RIMS2: variants seen among roughly 807,000 people sequenced by gnomAD.
RIMS2 encodes the protein regulating synaptic membrane exocytosis protein 2.
RIMS2 carries 59 observed loss-of-function variants against 174.4 expected under a neutral mutation model. The observed-to-expected ratio is 0.34, with a 90% CI of 0.27 to 0.42. The LOEUF (loss-of-function observed/expected upper bound fraction) is 0.42. Among genes scored for constraint, RIMS2 ranks in the 10% least tolerant of loss-of-function variants. The pLI, the probability that RIMS2 is intolerant of heterozygous loss-of-function variation, is 1.00. For synonymous variants in RIMS2, 606 were observed against 572.5 expected (o/e 1.06, Z -0.84); for missense variants, 1,620 against 1,666.3 (o/e 0.97, Z 0.48).
intron 1 of RIMS2, among the ~76,000 whole-genome samples, chr8:103,657,543 G>A (rs987809102): frequency 8.5e-5 from 13 of 152,164 alleles, no homozygotes; most frequent in Admixed American, 5.9e-4. Flanking sequence ...CAAAAGAATA[G>A]TTACTGTAGC....
intron 19 of RIMS2, among the ~76,000 whole-genome samples, chr8:104,034,143 A>G (rs543478534): frequency 5.3e-5 from 8 of 152,308 alleles, no homozygotes; most frequent in South Asian, 4.1e-4. Flanking sequence ...CTGTGCATCA[A>G]TAGCATATAT....
At chr8:103,801,539 T>C (rs2098608047) in intron 3 of RIMS2, among the ~76,000 whole-genome samples, 1 of 152,256 alleles carries the variant, frequency 6.6e-6, no homozygotes, top group Non-Finnish European at 1.5e-5. Flanking sequence ...CATACTAATC[T>C]GTATATCTTA....
At chr8:103,978,369 G>GA (rs202214823) in intron 16 of RIMS2, among the ~76,000 whole-genome samples, 12 of 115,748 alleles carry the variant, frequency 1.0e-4, no homozygotes, top group Admixed American at 7.8e-5. Context: ...GTAGTCAGAG[G>GA]AAAAAAAAAT....
intron 19 of RIMS2, among the ~76,000 whole-genome samples, chr8:104,098,687 G>C (rs886750964): frequency 6.6e-6 from 1 of 151,986 alleles, no homozygotes; most frequent in Non-Finnish European, 1.5e-5. Context: ...GATTTTAAGA[G>C]ACTTAGCCAT....
At chr8:103,703,383 G>A (rs1407028859) in intron 2 of RIMS2, among the ~76,000 whole-genome samples, 4 of 151,832 alleles carry the variant, frequency 2.6e-5, no homozygotes, top group Non-Finnish European at 4.4e-5. Context: ...GATTACAGTC[G>A]TACACCACCA....
At chr8:104,015,556 A>T (rs2095877597) in intron 19 of RIMS2, 1 of 560,392 alleles carries the variant, frequency 1.8e-6, no homozygotes, top group East Asian at 3.1e-5. Context: ...TTCGTTGTGT[A>T]GACTTAAATA....
At chr8:104,087,162 A>G (rs1385931568) in intron 19 of RIMS2, among the ~76,000 whole-genome samples, 1 of 152,136 alleles carries the variant, frequency 6.6e-6, no homozygotes, top group Non-Finnish European at 1.5e-5. Context: ...ATACTTCATA[A>G]TGGAATAATA....
intron 19 of RIMS2, among the ~76,000 whole-genome samples, chr8:104,168,400 A>G (rs1238515640): frequency 6.6e-6 from 1 of 152,024 alleles, no homozygotes; most frequent in East Asian, 1.9e-4. Context: ...GTATATTCCT[A>G]AGTATTTTAT....
intron 19 of RIMS2, among the ~76,000 whole-genome samples, chr8:104,088,425 G>T (rs1227815985): frequency 2.0e-5 from 3 of 151,956 alleles, no homozygotes; most frequent in Admixed American, 6.6e-5. Flanking sequence ...ATCTTCCAAA[G>T]ATTATGTTTG....
intron 1 of RIMS2, among the ~76,000 whole-genome samples, chr8:103,613,987 C>T (rs995101722): frequency 3.3e-5 from 5 of 152,184 alleles, no homozygotes; most frequent in African/African-American, 4.8e-5. Context: ...CTTTTATTAC[C>T]GTGTTGGGTG....
chr8:104,069,129 A>G (rs1249267812), intron 19 of RIMS2, among the ~76,000 whole-genome samples: 1 of 152,238 alleles, frequency 6.6e-6, no homozygotes, highest in Non-Finnish European at 1.5e-5. Flanking sequence ...TCAGTATTCA[A>G]TAAATTACAT....
chr8:104,069,463 CTTTTT>C (rs71297250), intron 19 of RIMS2, among the ~76,000 whole-genome samples: 3,225 of 91,894 alleles, frequency 0.035, 76 homozygotes, highest in African/African-American at 0.12. Flanking sequence ...ATTAATTGTT[CTTTTT>C]TTTTTTTTTT....
intron 19 of RIMS2, among the ~76,000 whole-genome samples, chr8:104,183,093 G>C (rs75222438): frequency 6.6e-6 from 1 of 151,676 alleles, no homozygotes; most frequent in African/African-American, 2.4e-5. Context: ...TTGCAGGTCT[G>C]TATTCTGCTC....
intron 3 of RIMS2, among the ~76,000 whole-genome samples, chr8:103,774,182 GA>G (rs2098284866): frequency 1.3e-5 from 2 of 152,246 alleles, no homozygotes; most frequent in East Asian, 3.9e-4. Context: ...CTAAACATTA[GA>G]AAAGTGTTTG....
At position 103,793,332 on chromosome 8, in the gene RIMS2, C is replaced by A. The variant is rs2098518571; in HGVS notation, c.698+26795C>A. ...ATAAACAGAACCAAGACAAAAACCA[C>A]ATGATTATCTCAATAGATGCAGAAA... On this transcript the variant is annotated intron_variant, in intron 3 of 23. Transcript: ENST00000504942. 2.0e-5 allele frequency among the ~76,000 whole-genome samples: 3 copies of A among 152,164 alleles called. No individual in the cohort carries two copies. In the South Asian group the frequency reaches 6.2e-4, roughly 32 times the overall value.
At chr8:104,129,550 T>C (rs887425559) in intron 19 of RIMS2, among the ~76,000 whole-genome samples, 2 of 152,210 alleles carry the variant, frequency 1.3e-5, no homozygotes, top group African/African-American at 2.4e-5. Context: ...CTGTGCCAGA[T>C]AGGGCGATGC....
chr8:103,871,737 G>T (rs532919687), intron 3 of RIMS2, among the ~76,000 whole-genome samples: 4 of 152,064 alleles, frequency 2.6e-5, no homozygotes, highest in South Asian at 2.1e-4. Flanking sequence ...CATATTCAAA[G>T]AATTGCATTG....
At chr8:103,645,260 A>G (rs981991920) in intron 1 of RIMS2, among the ~76,000 whole-genome samples, 1 of 152,118 alleles carries the variant, frequency 6.6e-6, no homozygotes, top group Non-Finnish European at 1.5e-5. Flanking sequence ...CTGTATTTAA[A>G]TACTAAATGA....
intron 2 of RIMS2, among the ~76,000 whole-genome samples, chr8:103,712,447 A>G (rs1482516927): frequency 2.0e-5 from 3 of 152,186 alleles, no homozygotes; most frequent in Admixed American, 1.3e-4. Context: ...GTACATCTAC[A>G]TATGAAAGCT....
Sources: allele counts gnomAD v4.1 joint callset (sites outside exome capture counted in the v4.1 genomes callset), GRCh38; gene constraint gnomAD v4.1.1; transcripts MANE v1.5; gene names NCBI Gene and HGNC (gene_info 2026-07-23, HGNC 2026-07-21).